Variants in GRB2 observed in about 807,000 individuals in gnomAD.
GRB2 encodes the protein growth factor receptor bound protein 2, also known as growth factor receptor-bound protein 2.
A neutral mutation model predicts 27.4 loss-of-function variants in GRB2; 2 were observed. That is an observed-to-expected ratio of 0.07 (90% CI 0.03 to 0.23). The LOEUF is 0.23. Ranked by LOEUF, GRB2 falls within the 10% of genes least tolerant of loss-of-function variation. The probability of loss-of-function intolerance (pLI) is 1.00; values close to 1 mark genes in which losing one functional copy is unlikely to be tolerated. For missense variants in GRB2, 102 were observed against 282.4 expected (o/e 0.36, Z 4.58); for synonymous variants, 94 against 99.6 (o/e 0.94, Z 0.33).
rs1043720744 is a variant in GRB2 at position 75,401,462 on chromosome 17, A to AG, written c.-138+4026_-138+4027insC. ...GCGAGACTCCGTCTCAAAAAAAAAAAAAAAAAAAAAAGGCTAACAATGGTT... is the reference window on the plus strand; with the variant it reads ...GCGAGACTCCGTCTCAAAAAAAAAAAGAAAAAAAAAAAGGCTAACAATGGTT... On this transcript the variant is annotated intron_variant, in intron 1 of 5. Transcript: ENST00000316804. Among the ~76,000 whole-genome samples, 28 of 152,026 alleles carry AG rather than the reference A, an allele frequency of 1.8e-4. 1 individual carries two copies. In the East Asian group the frequency reaches 5.0e-3, roughly 27 times the overall value.
chr17:75,377,933 A>G (rs2078904648), intron 2 of GRB2, among the ~76,000 whole-genome samples: 1 of 152,190 alleles, frequency 6.6e-6, no homozygotes, highest in South Asian at 2.1e-4. Flanking sequence ...AGAAACAAAC[A>G]GCAAAACAAA....
At chr17:75,356,655 TC>T (rs1287461332) in intron 2 of GRB2, among the ~76,000 whole-genome samples, 1 of 152,192 alleles carries the variant, frequency 6.6e-6, no homozygotes, top group African/African-American at 2.4e-5. Context: ...CAAGCACGAT[TC>T]CGCTCGTACC....
chr17:75,354,273 G>T (rs868244693), intron 2 of GRB2, among the ~76,000 whole-genome samples: 3 of 95,116 alleles, frequency 3.2e-5, no homozygotes, highest in Non-Finnish European at 4.9e-5. Context: ...TTGGGGGGGG[G>T]GGGGAGATGG....
intron 2 of GRB2, among the ~76,000 whole-genome samples, chr17:75,386,904 G>C (rs530265813): frequency 6.6e-6 from 1 of 152,142 alleles, no homozygotes; most frequent in Non-Finnish European, 1.5e-5. Context: ...GGCCAGGCGC[G>C]GTGGCTCACG....
chr17:75,375,286 A>G (rs1219878927), intron 2 of GRB2, among the ~76,000 whole-genome samples: 3 of 152,118 alleles, frequency 2.0e-5, no homozygotes, highest in Non-Finnish European at 1.5e-5. Flanking sequence ...TCTCAACTGG[A>G]TACAAATCCA....
chr17:75,374,236 T>C (rs184973836), intron 2 of GRB2, among the ~76,000 whole-genome samples: 1 of 151,692 alleles, frequency 6.6e-6, no homozygotes, highest in African/African-American at 2.4e-5. Context: ...TTAAACCGTC[T>C]CTACTAAAAA....
chr17:75,399,608 C>T (rs2079050973), intron 1 of GRB2, among the ~76,000 whole-genome samples: 1 of 151,760 alleles, frequency 6.6e-6, no homozygotes. Flanking sequence ...CCTCGTGATC[C>T]ACCCGCCTTG....
intron 5 of GRB2, 106 bp downstream of exon 5, chr17:75,321,553 G>A (rs1442676614): frequency 9.8e-6 from 10 of 1,018,944 alleles, no homozygotes; most frequent in Non-Finnish European, 1.5e-5. Context: ...GGCAATCCCT[G>A]AAGGGCGCCC....
intron 2 of GRB2, chr17:75,393,333 AT>A (rs2079009911): frequency 1.7e-6 from 1 of 579,734 alleles, no homozygotes; most frequent in Non-Finnish European, 3.1e-6. Flanking sequence ...CAAATGAGGC[AT>A]TCACACAAAG....
rs561684418 is a variant in GRB2 at position 75,337,807 on chromosome 17, C to A, written c.79-5010G>T. 5.0e-4 allele frequency among the ~76,000 whole-genome samples: 75 copies of A among 150,302 alleles called. No homozygotes were observed. In the South Asian group the frequency reaches 9.4e-3, roughly 19 times the overall value. ...GACGGTCTTGATCTGACCTCGTGATCCGCCTGCCTCGGCCTCCAAAAGTGC... is the reference window on the plus strand; with the variant it reads ...GACGGTCTTGATCTGACCTCGTGATACGCCTGCCTCGGCCTCCAAAAGTGC... On this transcript the variant is annotated intron_variant, in intron 2 of 5. Transcript: ENST00000316804.
intron 2 of GRB2, among the ~76,000 whole-genome samples, chr17:75,365,576 C>T (rs558136261): frequency 2.2e-4 from 33 of 152,148 alleles, no homozygotes; most frequent in Non-Finnish European, 3.8e-4. Context: ...TAATGGATTG[C>T]TTGGTTTAAC....
At chr17:75,389,703 G>T (rs973514118) in intron 2 of GRB2, among the ~76,000 whole-genome samples, 1 of 152,076 alleles carries the variant, frequency 6.6e-6, no homozygotes, top group Admixed American at 6.6e-5. Flanking sequence ...AAAATTAGCC[G>T]GGCGTGCTGG....
intron 2 of GRB2, among the ~76,000 whole-genome samples, chr17:75,374,313 A>G (rs1259238897): frequency 1.3e-5 from 2 of 149,820 alleles, no homozygotes; most frequent in African/African-American, 4.9e-5. Flanking sequence ...CTGAGGCAAG[A>G]GAATCGCTGG....
At position 75,346,779 on chromosome 17, in the gene GRB2, C is replaced by T. The variant is rs530285189; in HGVS notation, c.79-13982G>A. Among the ~76,000 whole-genome samples the T allele has an allele frequency of 5.5e-4, 84 of 151,636 alleles. 1 individual carries two copies. Among genetic ancestry groups the T allele is most frequent in the African/African-American group, 2.0e-3 (81 of 41,260 alleles). ...AGAGACGGGGTTTCATCATGTTGGC[C>T]AGGCTAGTCTCAAACTCCTAACCTC... On this transcript the variant is annotated intron_variant, in intron 2 of 5. Coordinates refer to ENST00000316804, the MANE Select transcript of GRB2 (RefSeq NM_002086.5).
chr17:75,367,470 C>T (rs971107240), intron 2 of GRB2, among the ~76,000 whole-genome samples: 1 of 152,188 alleles, frequency 6.6e-6, no homozygotes, highest in Non-Finnish European at 1.5e-5. Context: ...AGCCACTGAG[C>T]TGGGCCGTTA....
chr17:75,327,712 C>T (rs1044278612), intron 3 of GRB2, among the ~76,000 whole-genome samples: 3 of 152,044 alleles, frequency 2.0e-5, no homozygotes, highest in East Asian at 3.9e-4. Context: ...GGAAGATGTA[C>T]CTAAAATAAT....
chr17:75,340,881 A>ATTAT, intron 2 of GRB2, among the ~76,000 whole-genome samples: 1 of 152,310 alleles, frequency 6.6e-6, no homozygotes, highest in Non-Finnish European at 1.5e-5. Flanking sequence ...TTTAGTGATG[A>ATTAT]GATAACCAGC....
intron 2 of GRB2, among the ~76,000 whole-genome samples, chr17:75,343,278 G>A (rs959727225): frequency 1.3e-5 from 2 of 152,042 alleles, no homozygotes; most frequent in African/African-American, 4.8e-5. Context: ...TTTGCAGGGT[G>A]CTAATTTTAA....
At chr17:75,380,757 T>A (rs1452083555) in intron 2 of GRB2, among the ~76,000 whole-genome samples, 8 of 152,182 alleles carry the variant, frequency 5.3e-5, no homozygotes, top group African/African-American at 1.9e-4. Flanking sequence ...AATTAACCAC[T>A]TAAAAAATAG....
Sources: gnomAD v4.1 joint callset for allele counts (sites outside exome capture counted in the v4.1 genomes callset) on GRCh38, gnomAD v4.1.1 for gene constraint, MANE v1.5 for transcripts, NCBI Gene and HGNC (gene_info 2026-07-23, HGNC 2026-07-21) for gene names.